CHRNB1: variants seen among roughly 807,000 people sequenced by gnomAD.
CHRNB1 encodes the protein acetylcholine receptor subunit beta.
CHRNB1 carries 47 observed loss-of-function variants against 53.8 expected under a neutral mutation model. The ratio of observed to expected loss-of-function variants is 0.87; its 90% CI spans 0.69 to 1.11. The LOEUF is 1.11. Among genes scored for constraint, CHRNB1 ranks in the 50% most tolerant of loss-of-function variants. The pLI, the probability that CHRNB1 is intolerant of heterozygous loss-of-function variation, is 0.00. For missense variants in CHRNB1, 605 were observed against 654.9 expected (o/e 0.92, Z 0.83); for synonymous variants, 259 against 263.5 (o/e 0.98, Z 0.16).
At chr17:7,455,132 T>C (rs1484858643) in intron 8 of CHRNB1, 152 bp from the exon 9 acceptor site, 3 of 865,964 alleles carry the variant, frequency 3.5e-6, no homozygotes, top group Non-Finnish European at 1.8e-6. Context: ...TAGGTCTGTG[T>C]GGCTGCATTT....
intron 7 of CHRNB1, among the ~76,000 whole-genome samples, chr17:7,451,274 C>CTTTTTTT (rs34769424): frequency 7.3e-4 from 67 of 92,026 alleles, no homozygotes; most frequent in South Asian, 1.5e-3. Context: ...CTTTTCTTTT[C>CTTTTTTT]TTTTTTTTTT....
At chr17:7,446,315 GTGTGTGTGTGTC>G (rs58462941) in intron 3 of CHRNB1, 7,035 of 375,198 alleles carry the variant, frequency 0.019, 78 homozygotes, top group African/African-American at 0.13. Context: ...GTGTGTGTGT[GTGTGTGTGTGTC>G]TGTGTGTGTG....
At chr17:7,453,102 T>C (rs1908944724) in intron 7 of CHRNB1, among the ~76,000 whole-genome samples, 1 of 152,044 alleles carries the variant, frequency 6.6e-6, no homozygotes, top group South Asian at 2.1e-4. Context: ...GTTTTGGACA[T>C]TTTGTTTTAT....
Position 7,454,486 on chromosome 17 carries a change from C to T in CHRNB1, c.1010C>T (p.Pro337Leu). ...GTTCTCAACCTGCACCACCGCTCACCCCACACCCACCAAATGCCCCTTTGG... is the reference window on the plus strand; with the variant it reads ...GTTCTCAACCTGCACCACCGCTCACTCCACACCCACCAAATGCCCCTTTGG... ...VVVLNLHHRSPHTHQMPLWVR... is the reference protein window; with the variant it reads ...VVVLNLHHRSLHTHQMPLWVR... Residue 337 changes from proline to leucine, a missense_variant, in exon 8 of 11, where the codon CCC becomes CTC. Transcript: ENST00000306071. 6.2e-7 allele frequency: 1 copy of T among 1,614,120 alleles called. No homozygotes were observed. The highest frequency in any genetic ancestry group is 2.2e-5 in the East Asian group (1 of 44,876).
At chr17:7,450,488 G>A (rs1353227630) in intron 7 of CHRNB1, among the ~76,000 whole-genome samples, 3 of 152,010 alleles carry the variant, frequency 2.0e-5, no homozygotes, top group African/African-American at 7.3e-5. Context: ...TCTGGAAGTG[G>A]GCCAACCATT....
chr17:7,446,757 C>A, intron 3 of CHRNB1, 76 bp from the exon 4 acceptor site: 1 of 1,200,826 alleles, frequency 8.3e-7, no homozygotes, highest in Non-Finnish European at 1.2e-6. Context: ...GCACTCCCTT[C>A]CTGGGCTTCC....
intron 7 of CHRNB1, among the ~76,000 whole-genome samples, chr17:7,451,541 A>T (rs1269940470): frequency 6.6e-6 from 1 of 151,688 alleles, no homozygotes; most frequent in African/African-American, 2.4e-5. Context: ...TTGGCCTCCC[A>T]CAGTGCTGGG....
chr17:7,448,074 CAAAAAAAAAAA>C (rs71157286), intron 6 of CHRNB1, among the ~76,000 whole-genome samples: 20 of 16,700 alleles, frequency 1.2e-3, no homozygotes, highest in South Asian at 5.6e-3. Context: ...AAGTTCGTCT[CAAAAAAAAAAA>C]AAAAAAAAAA....
intron 3 of CHRNB1, 198 bp from the exon 4 acceptor site, chr17:7,446,635 G>T: frequency 1.7e-6 from 1 of 601,224 alleles, no homozygotes; most frequent in Non-Finnish European, 3.0e-6. Context: ...ATTGAAACCC[G>T]GTGCGGGGGA....
At chr17:7,455,974 C>T in intron 10 of CHRNB1, 33 bp downstream of exon 10, 1 of 1,603,782 alleles carries the variant, frequency 6.2e-7, no homozygotes, top group Non-Finnish European at 8.5e-7. Flanking sequence ...AAGGCCAGGT[C>T]TAGGCGACCT....
chr17:7,451,716 G>T (rs2150841063), intron 7 of CHRNB1, among the ~76,000 whole-genome samples: 1 of 152,240 alleles, frequency 6.6e-6, no homozygotes, highest in African/African-American at 2.4e-5. Flanking sequence ...CTTATCTCCA[G>T]GCCTGAAGCC....
At chr17:7,450,068 T>TAA (rs1219095439) in intron 7 of CHRNB1, among the ~76,000 whole-genome samples, 1 of 148,988 alleles carries the variant, frequency 6.7e-6, no homozygotes, top group African/African-American at 2.5e-5. Context: ...AATAAATAAA[T>TAA]AAATAAATAA....
rs1355229106 is a variant in CHRNB1 at position 7,445,820 on chromosome 17, GC to G, written c.199-248del. 4.3e-5 allele frequency: 27 copies of G among 623,844 alleles called. No homozygotes were observed. The highest frequency in any genetic ancestry group is 7.3e-5 in the Non-Finnish European group (26 of 356,174). The allele number at this position is 623,844 out of a possible 1,614,324, so 38.6% of individuals were successfully genotyped here. A position where few individuals can be genotyped will look rare whatever the true frequency, so the allele number is the denominator to read the frequency against. On this transcript the variant is annotated intron_variant, in intron 2 of 10. Transcript: ENST00000306071. The surrounding 1 kb of genome is among the most constrained non-coding windows in gnomAD (Gnocchi z 5.7). The stretch of plus-strand genomic sequence containing the variant: ...AGCTGAAGGCAGGGCCGGGGACAGA[GC>G]TAGGCGGAGGGCTAGGCAGGGGCGG...
chr17:7,452,998 TG>T (rs1908941765), intron 7 of CHRNB1, among the ~76,000 whole-genome samples: 1 of 152,186 alleles, frequency 6.6e-6, no homozygotes, highest in South Asian at 2.1e-4. Flanking sequence ...AACTCCAGCC[TG>T]GGTGACAGAG....
In CHRNB1 at chr17:7,445,140, G is replaced by T; in HGVS notation, c.13G>T (p.Ala5Ser). MTPGALLMLLGALGA... is the reference protein window; with the variant it reads MTPGSLLMLLGALGA... ...GAGCCGCCAGGCTATGACCCCAGGG[G>T]CTCTGCTGATGCTGCTGGGGGCGCT... The change falls in exon 1 of 11, where the codon GCT becomes TCT. Residue 5 changes from alanine (A) to serine (S), a missense_variant. Transcript: ENST00000306071. The surrounding 1 kb of genome is among the most constrained non-coding windows in gnomAD (Gnocchi z 5.7). The T allele has an allele frequency of 6.2e-7, 1 of 1,609,074 alleles. No homozygotes were observed. Among genetic ancestry groups the T allele is most frequent in the South Asian group, 1.1e-5 (1 of 90,882 alleles).
Position 7,456,908 on chromosome 17 carries a change from G to T in CHRNB1, c.*185G>T. 4.4e-6 allele frequency: 3 copies of T among 678,772 alleles called. No homozygotes were observed. Among genetic ancestry groups the T allele is most frequent in the Non-Finnish European group, 7.5e-6 (3 of 401,478 alleles). The allele number at this position is 678,772 out of a possible 1,614,324, so 42.0% of individuals were successfully genotyped here. A position where few individuals can be genotyped will look rare whatever the true frequency, so the allele number is the denominator to read the frequency against. On this transcript the variant is annotated 3_prime_UTR_variant, in exon 11 of 11. Coordinates refer to ENST00000306071, the MANE Select transcript of CHRNB1 (RefSeq NM_000747.3). The stretch of plus-strand genomic sequence containing the variant: ...GTGTCTTGGACCCACCTGAAATGCA[G>T]TATCATCTGATTTACTCTTTGGGAT...
In CHRNB1 at chr17:7,447,562, C is replaced by T. The variant is rs774012484; in HGVS notation, c.522C>T (p.Tyr174=). The T allele has an allele frequency of 6.2e-6, 10 of 1,614,208 alleles. No individual in the cohort carries two copies. Among genetic ancestry groups the T allele is most frequent in the East Asian group, 2.2e-5 (1 of 44,882 alleles). Residue 174 remains tyrosine (Y), a synonymous_variant, in exon 6 of 11, where the codon TAC becomes TAT. Transcript: ENST00000306071. ...NCTMVFSSYS[Y]DSSEVSLQTG... is the part of the protein sequence containing the mutation. The stretch of plus-strand genomic sequence containing the variant: ...CTATGGTGTTCAGCTCCTACAGCTA[C>T]GACAGCTCGGAGGTCAGCCTGCAGA...
intron 3 of CHRNB1, chr17:7,446,481 C>T: frequency 1.9e-6 from 1 of 512,906 alleles, no homozygotes; most frequent in Non-Finnish European, 3.5e-6. Context: ...CCGTGAGCCA[C>T]TGCACCTGGC....
intron 7 of CHRNB1, among the ~76,000 whole-genome samples, chr17:7,452,074 T>C (rs1486579061): frequency 4.4e-5 from 6 of 137,758 alleles, no homozygotes; most frequent in Non-Finnish European, 9.3e-5. Context: ...TTTTTTTTTT[T>C]AGATACAGTC....
Sources: gnomAD v4.1 joint callset for allele counts (sites outside exome capture counted in the v4.1 genomes callset) on GRCh38, gnomAD v4.1.1 for gene constraint, Gnocchi (gnomAD v3.1) non-coding constraint, MANE v1.5 for transcripts, NCBI Gene and HGNC (gene_info 2026-07-23, HGNC 2026-07-21) for gene names.